Variants in TBC1D16 observed in about 807,000 individuals in gnomAD.
TBC1D16 encodes the protein TBC1 domain family member 16.
TBC1D16 carries 58 observed loss-of-function variants against 74.7 expected under a neutral mutation model. The observed-to-expected ratio is 0.78, with a 90% confidence interval of 0.63 to 0.97. TBC1D16 has a LOEUF of 0.97. Ranked by LOEUF, TBC1D16 falls within the 50% of genes least tolerant of loss-of-function variation. The pLI is 0.00. For synonymous variants in TBC1D16, 493 were observed against 474.7 expected (o/e 1.04, Z -0.50); for missense variants, 1,014 against 1,079.5 (o/e 0.94, Z 0.85).
At position 79,956,044 on chromosome 17, in the gene TBC1D16, C is replaced by G. The variant is rs1266810448; in HGVS notation, c.780-3226G>C. 1.3e-5 allele frequency among the ~76,000 whole-genome samples: 2 copies of G among 152,180 alleles called. No individual in the cohort carries two copies. Among genetic ancestry groups the G allele is most frequent in the Non-Finnish European group, 2.9e-5 (2 of 68,034 alleles). On this transcript the variant is annotated intron_variant, in intron 3 of 11. Coordinates refer to ENST00000310924, the MANE Select transcript of TBC1D16 (RefSeq NM_019020.4). This position sits in a 1 kb window ranked among gnomAD's most constrained non-coding sequence, Gnocchi z 4.0. ...TCCTCTTGGCACAGTGCAGGCAAGA[C>G]AGACAGACGAGAGCTCATGAGAGAG...
chr17:80,019,947 C>T (rs1433838427), intron 1 of TBC1D16, among the ~76,000 whole-genome samples: 2 of 149,856 alleles, frequency 1.3e-5, no homozygotes, highest in Non-Finnish European at 2.9e-5. Context: ...AACCCCAGTA[C>T]CCAAGAATGA....
intron 3 of TBC1D16, among the ~76,000 whole-genome samples, chr17:79,996,223 A>G (rs1017631779): frequency 1.3e-5 from 2 of 152,228 alleles, no homozygotes; most frequent in African/African-American, 2.4e-5. Context: ...GGTTGCCACA[A>G]TAAATCATAT....
At chr17:80,019,191 T>C (rs2036199696) in intron 1 of TBC1D16, among the ~76,000 whole-genome samples, 2 of 150,202 alleles carry the variant, frequency 1.3e-5, no homozygotes, top group South Asian at 4.2e-4. Context: ...AAGAATGTGC[T>C]GGAAGCTTTA....
chr17:79,943,762 G>T, intron 10 of TBC1D16: 2 of 1,147,068 alleles, frequency 1.7e-6, no homozygotes, highest in South Asian at 1.9e-5. Flanking sequence ...GACACAGTAG[G>T]TGTCCATGGG....
rs1478304644 is a variant in TBC1D16 at position 79,936,228 on chromosome 17, A to T, written c.*4631T>A. 6.6e-6 allele frequency: 1 copy of T among 152,240 alleles called. No homozygotes were observed. The highest frequency in any genetic ancestry group is 1.5e-5 in the Non-Finnish European group (1 of 68,066). The allele number at this position is 152,240 out of a possible 1,614,324, so 9.4% of individuals were successfully genotyped here. A position where few individuals can be genotyped will look rare whatever the true frequency, so the allele number is the denominator to read the frequency against. ...GGGCAGAATGGGGTGCATTTTACAGAAGAGTCACAGAGAGGCTCGCCCTCG... is the reference window on the plus strand; with the variant it reads ...GGGCAGAATGGGGTGCATTTTACAGTAGAGTCACAGAGAGGCTCGCCCTCG... On this transcript the variant is annotated 3_prime_UTR_variant, in exon 12 of 12. Coordinates refer to ENST00000310924, the MANE Select transcript of TBC1D16 (RefSeq NM_019020.4).
chr17:79,991,960 G>A (rs1009576910), intron 3 of TBC1D16: 2 of 152,274 alleles, frequency 1.3e-5, no homozygotes, highest in African/African-American at 4.8e-5. Flanking sequence ...GGGAGAAAAC[G>A]AGCAACACTC....
chr17:79,978,343 G>A (rs1205697896), intron 3 of TBC1D16, among the ~76,000 whole-genome samples: 1 of 152,238 alleles, frequency 6.6e-6, no homozygotes, highest in African/African-American at 2.4e-5. Flanking sequence ...TAGGGAAGGT[G>A]TAAATCACTG....
At chr17:79,984,032 T>C (rs929445541) in intron 3 of TBC1D16, among the ~76,000 whole-genome samples, 3 of 148,552 alleles carry the variant, frequency 2.0e-5, no homozygotes, top group Non-Finnish European at 3.0e-5. Context: ...AGCACCTGAC[T>C]ATTTATTTTG....
In TBC1D16 at chr17:79,942,204, C is replaced by T. The variant is rs200133337; in HGVS notation, c.1911G>A (p.Thr637=). ...IWEACWAHYQ[T]DYFHLFICVA... The stretch of plus-strand genomic sequence containing the variant: ...CGCAGATGAAAAGGTGGAAGTAGTC[C>T]GTCTGTGGAGGCGGGTAGAGTTCAG... The change falls in exon 11 of 12, where the codon ACG becomes ACA. Residue 637 remains threonine (T), a splice_region_variant and synonymous_variant. Transcript: ENST00000310924. The T allele has an allele frequency of 2.1e-5, 34 of 1,597,064 alleles. No homozygotes were observed. Among genetic ancestry groups the T allele is most frequent in the African/African-American group, 6.7e-5 (5 of 74,666 alleles).
intron 3 of TBC1D16, among the ~76,000 whole-genome samples, chr17:79,997,780 G>A (rs1220833835): frequency 6.6e-6 from 1 of 152,126 alleles, no homozygotes; most frequent in African/African-American, 2.4e-5. Context: ...ACAGTCTATG[G>A]GGTTTCAGAG....
rs943993264 is a variant in TBC1D16, at chr17:79,985,370, C to T, written c.779+24790G>A. Among the ~76,000 whole-genome samples, 2 of 152,226 alleles carry T rather than the reference C, an allele frequency of 1.3e-5. No individual in the cohort carries two copies. The highest frequency in any genetic ancestry group is 2.1e-4 in the South Asian group (1 of 4,832). On this transcript the variant is annotated intron_variant, in intron 3 of 11. Coordinates refer to ENST00000310924, the MANE Select transcript of TBC1D16 (RefSeq NM_019020.4). The surrounding 1 kb of genome is among the most constrained non-coding windows in gnomAD (Gnocchi z 4.9). ...AGTCACATTCTGAGGTTCTGAGTGG[C>T]CATGAATTTGCGGGGAAGGGAGTCA...
chr17:80,034,378 T>G (rs111814830), intron 1 of TBC1D16, among the ~76,000 whole-genome samples: 12,115 of 136,778 alleles, frequency 0.089, 535 homozygotes, highest in Non-Finnish European at 0.11. Flanking sequence ...TTTTGTATTT[T>G]TAGTAGATAT....
intron 3 of TBC1D16, among the ~76,000 whole-genome samples, chr17:80,005,251 T>A (rs2035631860): frequency 6.6e-6 from 1 of 152,046 alleles, no homozygotes; most frequent in Non-Finnish European, 1.5e-5. Context: ...CCCAGCTAAT[T>A]TTTTTTTCTT....
At position 79,956,643 on chromosome 17, in the gene TBC1D16, A is replaced by C. The variant is rs1210195911; in HGVS notation, c.780-3825T>G. 6.6e-6 allele frequency among the ~76,000 whole-genome samples: 1 copy of C among 152,196 alleles called. No individual in the cohort carries two copies. Among genetic ancestry groups the C allele is most frequent in the African/African-American group, 2.4e-5 (1 of 41,446 alleles). On this transcript the variant is annotated intron_variant, in intron 3 of 11. Transcript: ENST00000310924. The surrounding 1 kb of genome is among the most constrained non-coding windows in gnomAD (Gnocchi z 4.0). ...ACGCAGGACAAGCCAGCTCTCAGAA[A>C]AAGCTTGAAGGGGAGGAAGAAACCT...
intron 8 of TBC1D16, 34 bp from the exon 9 acceptor site, chr17:79,947,865 T>A: frequency 1.3e-6 from 2 of 1,590,682 alleles, no homozygotes; most frequent in African/African-American, 1.3e-5. Context: ...TGGGTGGGGA[T>A]GACCCTCACC....
At position 79,988,260 on chromosome 17, in the gene TBC1D16, C is replaced by T. The variant is rs1309641177; in HGVS notation, c.779+21900G>A. Among the ~76,000 whole-genome samples, 1 of 152,200 alleles carries T rather than the reference C, an allele frequency of 6.6e-6. No homozygotes were observed. Among genetic ancestry groups the T allele is most frequent in the Non-Finnish European group, 1.5e-5 (1 of 68,030 alleles). The stretch of plus-strand genomic sequence containing the variant: ...CCTCGGCAAGTGGGCGTCCGCCGAG[C>T]CTTTGATGCACTCTCCAAAGTCACA... On this transcript the variant is annotated intron_variant, in intron 3 of 11. Coordinates refer to ENST00000310924, the MANE Select transcript of TBC1D16 (RefSeq NM_019020.4). This position sits in a 1 kb window ranked among gnomAD's most constrained non-coding sequence, Gnocchi z 5.7.
In TBC1D16 at chr17:79,947,670, CG is replaced by C. The variant is rs2032665446; in HGVS notation, c.1702del (p.Arg568GlyfsTer18). 6.2e-7 allele frequency: 1 copy of C among 1,614,120 alleles called. No individual in the cohort carries two copies. Among genetic ancestry groups the C allele is most frequent in the Non-Finnish European group, 8.5e-7 (1 of 1,180,022 alleles). On this transcript the variant is annotated frameshift_variant, in exon 9 of 12. Coordinates refer to ENST00000310924, the MANE Select transcript of TBC1D16 (RefSeq NM_019020.4). LOFTEE classifies it high-confidence loss of function. The part of the protein sequence containing the change: ...MQNTIFVSSP[R>X]DEDMEKQLLY... ...CAGTTGTTTCTCCATGTCCTCGTCC[CG>C]GGGTGAGCTGACGAAGATCGTGTTC...
Position 79,933,854 on chromosome 17 carries a change from CGGT to C in TBC1D16, c.*7002_*7004del, listed in dbSNP as rs2031415940. 1 of 152,262 alleles carries C rather than the reference CGGT, an allele frequency of 6.6e-6. No individual in the cohort carries two copies. Among genetic ancestry groups the C allele is most frequent in the African/African-American group, 2.4e-5 (1 of 41,458 alleles). 9.4% of individuals were successfully genotyped at this position (152,262 alleles called of 1,614,324 possible). A position where few individuals can be genotyped will look rare whatever the true frequency, so the allele number is the denominator to read the frequency against. On this transcript the variant is annotated 3_prime_UTR_variant, in exon 12 of 12. Coordinates refer to ENST00000310924, the MANE Select transcript of TBC1D16 (RefSeq NM_019020.4). ...GCCTTGCTTCCCTAGAGCGAGCCCA[CGGT>C]ACCATAGTCCTCGTGGGATGAATGC...
intron 3 of TBC1D16, among the ~76,000 whole-genome samples, chr17:79,962,509 G>A (rs1314603314): frequency 2.7e-4 from 41 of 150,686 alleles, no homozygotes; most frequent in Non-Finnish European, 7.4e-5. Flanking sequence ...CACCACACCC[G>A]GCCCCATCTC....
Sources: allele counts gnomAD v4.1 joint callset (sites outside exome capture counted in the v4.1 genomes callset), GRCh38; gene constraint gnomAD v4.1.1; non-coding constraint Gnocchi (gnomAD v3.1); transcripts MANE v1.5; gene names NCBI Gene and HGNC (gene_info 2026-07-23, HGNC 2026-07-21).